Variants in DOCK7 observed in about 807,000 individuals in gnomAD.
DOCK7 encodes the protein dedicator of cytokinesis protein 7.
A neutral mutation model predicts 271.0 loss-of-function variants in DOCK7; 138 were observed. The observed-to-expected ratio is 0.51, with a 90% CI of 0.44 to 0.59. The LOEUF is 0.59. Ranked by LOEUF, DOCK7 falls within the 20% of genes least tolerant of loss-of-function variation. The pLI is 0.00. For missense variants in DOCK7, 2,066 were observed against 2,592.4 expected (o/e 0.80, Z 4.41); for synonymous variants, 823 against 876.1 (o/e 0.94, Z 1.07).
At chr1:62,683,424 A>G (rs1239266827) in intron 1 of DOCK7, among the ~76,000 whole-genome samples, 1 of 152,246 alleles carries the variant, frequency 6.6e-6, no homozygotes, top group African/African-American at 2.4e-5. Context: ...GTGTTAAATA[A>G]GTCGATATCC....
At chr1:62,639,039 A>C (rs935212198) in intron 7 of DOCK7, among the ~76,000 whole-genome samples, 1 of 152,180 alleles carries the variant, frequency 6.6e-6, no homozygotes, top group Admixed American at 6.5e-5. Context: ...GAATATATCA[A>C]GTACAGACTT....
intron 14 of DOCK7, chr1:62,608,206 T>G (rs1023475448): frequency 2.6e-5 from 4 of 152,250 alleles, no homozygotes; most frequent in Admixed American, 6.5e-5. Flanking sequence ...CTCACAAGAA[T>G]GTATACTCCA....
At chr1:62,507,197 T>C (rs992108199) in intron 35 of DOCK7, among the ~76,000 whole-genome samples, 4 of 152,066 alleles carry the variant, frequency 2.6e-5, no homozygotes, top group Admixed American at 2.0e-4. Flanking sequence ...TAGGTGGCCA[T>C]TGTAATAGCG....
chr1:62,496,516 C>T lies in DOCK7; in HGVS notation c.4765-19G>A. On this transcript the variant is annotated intron_variant, in intron 37 of 49. Transcript: ENST00000635253. ...CAAAGTTCTGTAACAGAGAAATTGT[C>T]CAGTCAATACTTAATATAGAAAAGC... The T allele has an allele frequency of 6.2e-7, 1 of 1,601,098 alleles. No individual in the cohort carries two copies. Among genetic ancestry groups the T allele is most frequent in the East Asian group, 2.2e-5 (1 of 44,496 alleles).
In DOCK7 at chr1:62,555,877, A is replaced by G. The variant is rs1352202705; in HGVS notation, c.2544T>C (p.Tyr848=). Residue 848 remains tyrosine, a synonymous_variant, in exon 21 of 50, where the codon TAT becomes TAC. Transcript: ENST00000635253. ...TTGGTAGGCGGAAAACATAATGAAT[A>G]TATGATGCAAGAAGGCTGTTTCTGC... ...QHGRNSLLAS[Y]IHYVFRLPNT... 6.2e-7 allele frequency: 1 copy of G among 1,613,820 alleles called. No homozygotes were observed. Among genetic ancestry groups the G allele is most frequent in the African/African-American group, 1.3e-5 (1 of 74,936 alleles).
At chr1:62,640,220 A>C (rs527695109) in intron 7 of DOCK7, among the ~76,000 whole-genome samples, 19 of 152,260 alleles carry the variant, frequency 1.2e-4, no homozygotes, top group African/African-American at 4.3e-4. Flanking sequence ...TCTTTTGAAA[A>C]TTAAGTGTGT....
intron 14 of DOCK7, among the ~76,000 whole-genome samples, chr1:62,594,387 T>C (rs1648913543): frequency 6.6e-6 from 1 of 152,074 alleles, no homozygotes; most frequent in Non-Finnish European, 1.5e-5. Flanking sequence ...CAGATATTTA[T>C]ACCAAGAGAC....
In DOCK7 at chr1:62,529,268, A is replaced by G; in HGVS notation, c.3781+9T>C. The G allele has an allele frequency of 1.3e-6, 2 of 1,586,546 alleles. No individual in the cohort carries two copies. Among genetic ancestry groups the G allele is most frequent in the South Asian group, 1.2e-5 (1 of 85,766 alleles). On this transcript the variant is annotated intron_variant, in intron 30 of 49. Transcript: ENST00000635253. ...TGCCTTTAATATTTGCCTTAATTAT[A>G]CTAGGTACCTGTAAAATCATACAGC... is the stretch of plus-strand genomic sequence containing the variant.
At chr1:62,670,004 C>T (rs1324947409) in intron 1 of DOCK7, among the ~76,000 whole-genome samples, 1 of 152,260 alleles carries the variant, frequency 6.6e-6, no homozygotes, top group Admixed American at 6.5e-5. Flanking sequence ...GCCCTGCTGG[C>T]CCCGGGCAAT....
chr1:62,563,241 C>T (rs1646391155), intron 18 of DOCK7, among the ~76,000 whole-genome samples: 1 of 152,156 alleles, frequency 6.6e-6, no homozygotes. Flanking sequence ...ACCTTCACCT[C>T]TACCTGACAG....
At chr1:62,670,017 G>A (rs1659769651) in intron 1 of DOCK7, among the ~76,000 whole-genome samples, 1 of 152,254 alleles carries the variant, frequency 6.6e-6, no homozygotes, top group Admixed American at 6.5e-5. Flanking sequence ...CGGGCAATGG[G>A]GGACTTAGCA....
intron 16 of DOCK7, among the ~76,000 whole-genome samples, chr1:62,580,600 C>A (rs1647084900): frequency 6.6e-6 from 1 of 152,048 alleles, no homozygotes; most frequent in African/African-American, 2.4e-5. Context: ...GAGAGTTATT[C>A]ATTCAATAAG....
chr1:62,510,593 T>C lies in DOCK7; in HGVS notation c.4363A>G (p.Thr1455Ala). 6.2e-7 allele frequency: 1 copy of C among 1,613,270 alleles called. No individual in the cohort carries two copies. The highest frequency in any genetic ancestry group is 8.5e-7 in the Non-Finnish European group (1 of 1,179,548). Residue 1455 changes from threonine (T) to alanine (A), a missense_variant, in exon 34 of 50, where the codon ACA (threonine) becomes GCA (alanine). Physicochemically the swap from Thr to Ala is moderately conservative, Grantham distance 58. This residue lies in a region of DOCK7 where 652 missense variants were observed against 922.1 expected (regional missense o/e 0.71). Coordinates refer to ENST00000635253, the MANE Select transcript of DOCK7 (RefSeq NM_001367561.1). ...CTGTATTACTTGTCAAGCTTCTCTG[T>C]GTTTTGACGCCAGTGAGTCATATCT... is the stretch of plus-strand genomic sequence containing the variant. ...RKDMTHWRQN[T>A]EKLDKSRAEI... is the part of the protein sequence containing the mutation.
At position 62,688,295 on chromosome 1, in the gene DOCK7, G is replaced by A; in HGVS notation, c.-31C>T. On this transcript the variant is annotated 5_prime_UTR_variant, in exon 1 of 50. Transcript: ENST00000635253. ...CTGCGGCGACGGCGACGGCGGCGGC[G>A]GCTGCGGCGGGCCGGGTGCGGACCG... 1.6e-6 allele frequency: 2 copies of A among 1,227,640 alleles called. No individual in the cohort carries two copies. Among genetic ancestry groups the A allele is most frequent in the Non-Finnish European group, 2.0e-6 (2 of 979,512 alleles). 76.0% of individuals were successfully genotyped at this position (1,227,640 alleles called of 1,614,324 possible). A position where few individuals can be genotyped will look rare whatever the true frequency, so the allele number is the denominator to read the frequency against.
At chr1:62,551,213 T>C (rs1380977796) in intron 22 of DOCK7, among the ~76,000 whole-genome samples, 1 of 151,994 alleles carries the variant, frequency 6.6e-6, no homozygotes, top group East Asian at 1.9e-4. Context: ...GAAATTGAGA[T>C]TGTGAAAATT....
At chr1:62,657,199 C>T (rs566837577) in intron 2 of DOCK7, among the ~76,000 whole-genome samples, 36 of 152,284 alleles carry the variant, frequency 2.4e-4, no homozygotes, top group African/African-American at 8.7e-4. Context: ...CCTTGGGTGT[C>T]AGTGGTGGCC....
intron 14 of DOCK7, among the ~76,000 whole-genome samples, chr1:62,590,391 T>C (rs562838745): frequency 5.9e-5 from 9 of 152,260 alleles, no homozygotes; most frequent in African/African-American, 1.9e-4. Context: ...AGAACAAGAA[T>C]GTAAGATTCC....
intron 22 of DOCK7, among the ~76,000 whole-genome samples, chr1:62,546,832 T>A (rs898843566): frequency 2.6e-5 from 4 of 152,202 alleles, no homozygotes; most frequent in African/African-American, 9.6e-5. Context: ...TCATAGAAGT[T>A]AAAATAAAGT....
intron 40 of DOCK7, 143 bp downstream of exon 40, chr1:62,494,132 G>A (rs1646548480): frequency 6.0e-6 from 4 of 669,972 alleles, no homozygotes; most frequent in Non-Finnish European, 9.4e-6. Context: ...GACAATCACT[G>A]TGAAATGTTA....
Sources: allele counts gnomAD v4.1 joint callset (sites outside exome capture counted in the v4.1 genomes callset), GRCh38; gene constraint gnomAD v4.1.1; regional missense constraint gnomAD v4.1.1; transcripts MANE v1.5; gene names NCBI Gene and HGNC (gene_info 2026-07-23, HGNC 2026-07-21).